Variants in CTNNA2 observed in about 807,000 individuals in gnomAD.
CTNNA2 encodes the protein catenin alpha 2, also known as catenin alpha-2.
Under a neutral mutation model 101.0 loss-of-function variants are expected in CTNNA2, and 42 were observed. The ratio of observed to expected loss-of-function variants is 0.42; its 90% confidence interval spans 0.32 to 0.54. CTNNA2 has a LOEUF of 0.54. CTNNA2 is among the 20% of genes least tolerant of loss of function. The pLI is 0.14. For synonymous variants in CTNNA2, 450 were observed against 456.4 expected, an observed-to-expected ratio of 0.99 and a Z score of 0.18; for missense variants, 871 against 1,223.1, an observed-to-expected ratio of 0.71 and a Z score of 4.29.
chr2:79,208,022 G>A (rs1296678173), intron 2 of CTNNA2, among the ~76,000 whole-genome samples: 1 of 152,118 alleles, frequency 6.6e-6, no homozygotes, highest in Non-Finnish European at 1.5e-5. Flanking sequence ...TAGCCACCAA[G>A]GTCTACTCTG....
At chr2:79,934,548 G>A (rs189852512) in intron 7 of CTNNA2, among the ~76,000 whole-genome samples, 75 of 152,308 alleles carry the variant, frequency 4.9e-4, no homozygotes, top group Non-Finnish European at 9.3e-4. Flanking sequence ...TGTATTCTAA[G>A]CCCATTGTCC....
chr2:79,994,342 C>T (rs542292135), intron 7 of CTNNA2, among the ~76,000 whole-genome samples: 3 of 152,164 alleles, frequency 2.0e-5, no homozygotes, highest in East Asian at 1.9e-4. Flanking sequence ...CCACGAGTTG[C>T]GACATAGTCA....
chr2:79,286,614 G>A lies in CTNNA2; in HGVS notation c.-405-26095G>A, dbSNP rs915758285. Among the ~76,000 whole-genome samples, 22 of 152,220 alleles carry A rather than the reference G, an allele frequency of 1.4e-4. No individual in the cohort carries two copies. In the South Asian group the frequency reaches 1.5e-3, roughly 10 times the overall value. On this transcript the variant is annotated intron_variant, in intron 2 of 21. Coordinates refer to the CTNNA2 transcript ENST00000466387. ...TCTTCTGGCTTGTAGAGTTTCTGCC[G>A]AGAGATCTGCTGTTAGTCTAATGGG...
At chr2:79,216,927 G>C (rs993902039) in intron 2 of CTNNA2, among the ~76,000 whole-genome samples, 4 of 152,168 alleles carry the variant, frequency 2.6e-5, no homozygotes, top group African/African-American at 9.7e-5. Context: ...AATAATCAGA[G>C]AGGCGTCCCT....
At chr2:80,113,889 A>T (rs1238223024) in intron 7 of CTNNA2, among the ~76,000 whole-genome samples, 1 of 152,256 alleles carries the variant, frequency 6.6e-6, no homozygotes, top group Non-Finnish European at 1.5e-5. Context: ...TGGAATAACA[A>T]AGCTAAAGAA....
chr2:80,569,633 G>GTTTTTTGTTTTTTTTTTTT (rs1553392642), intron 12 of CTNNA2, among the ~76,000 whole-genome samples: 2 of 51,718 alleles, frequency 3.9e-5, no homozygotes, highest in African/African-American at 6.1e-5. Flanking sequence ...GGGTATTTAG[G>GTTTTTTGTTTTTTTTTTTT]TTTTTTTTTT....
At chr2:79,263,261 G>T (rs1674946039) in intron 2 of CTNNA2, among the ~76,000 whole-genome samples, 1 of 152,136 alleles carries the variant, frequency 6.6e-6, no homozygotes, top group Non-Finnish European at 1.5e-5. Flanking sequence ...AGGTGTTTGG[G>T]TCATGGGAGC....
chr2:79,716,806 C>T (rs1385849544), intron 2 of CTNNA2, among the ~76,000 whole-genome samples: 6 of 151,804 alleles, frequency 4.0e-5, no homozygotes, highest in Non-Finnish European at 5.9e-5. Context: ...CAGGAGGTAC[C>T]AATTGACTGC....
chr2:79,827,107 C>T (rs980441827), intron 3 of CTNNA2, among the ~76,000 whole-genome samples: 5 of 152,214 alleles, frequency 3.3e-5, no homozygotes, highest in East Asian at 3.9e-4. Context: ...GGCATGATCT[C>T]GGCTCGCTGC....
chr2:79,954,629 G>T (rs546366281), intron 7 of CTNNA2, among the ~76,000 whole-genome samples: 2 of 152,098 alleles, frequency 1.3e-5, no homozygotes, highest in Admixed American at 6.5e-5. Flanking sequence ...TCACTGTAAG[G>T]TTCAAGCAGC....
At chr2:80,079,882 T>TAAAATAAAATAAAATAAAATAAAAA (rs1553445210) in intron 7 of CTNNA2, among the ~76,000 whole-genome samples, 1 of 54,574 alleles carries the variant, frequency 1.8e-5, no homozygotes, top group Non-Finnish European at 5.0e-5. Context: ...TAAAATAAAA[T>TAAAATAAAATAAAATAAAATAAAAA]AATAAAATAA....
At chr2:79,858,774 A>G (rs1558587260) in intron 4 of CTNNA2, among the ~76,000 whole-genome samples, 1 of 152,140 alleles carries the variant, frequency 6.6e-6, no homozygotes, top group Non-Finnish European at 1.5e-5. Flanking sequence ...GGGTGGGCAC[A>G]TACTTGTCCC....
intron 1 of CTNNA2, among the ~76,000 whole-genome samples, 195 bp downstream of exon 1, chr2:79,513,402 A>G (rs904908378): frequency 1.3e-4 from 17 of 132,946 alleles, no homozygotes; most frequent in Non-Finnish European, 2.5e-4. Context: ...TCCCAGCCCC[A>G]CTTCCTTCCC....
chr2:80,245,580 C>T (rs1376299648), intron 7 of CTNNA2, among the ~76,000 whole-genome samples: 1 of 151,820 alleles, frequency 6.6e-6, no homozygotes. Flanking sequence ...TGCTTTTTCC[C>T]ATCCCATTCC....
At chr2:79,351,703 G>A (rs573403570) in intron 3 of CTNNA2, among the ~76,000 whole-genome samples, 4 of 152,252 alleles carry the variant, frequency 2.6e-5, no homozygotes, top group South Asian at 4.1e-4. Context: ...TTCTGTTTCT[G>A]TGTTAGTTCA....
At chr2:79,211,691 T>G (rs1184146456) in intron 2 of CTNNA2, among the ~76,000 whole-genome samples, 1 of 152,072 alleles carries the variant, frequency 6.6e-6, no homozygotes, top group Non-Finnish European at 1.5e-5. Context: ...CAGGAACCAG[T>G]CATCTGGATG....
chr2:79,789,504 C>T (rs745526387), intron 3 of CTNNA2, among the ~76,000 whole-genome samples: 1 of 151,996 alleles, frequency 6.6e-6, no homozygotes, highest in Admixed American at 6.6e-5. Flanking sequence ...TGAGCCAATT[C>T]GATTTGCATG....
intron 7 of CTNNA2, among the ~76,000 whole-genome samples, chr2:80,263,102 G>A (rs1207332633): frequency 2.6e-5 from 4 of 152,084 alleles, no homozygotes; most frequent in Non-Finnish European, 4.4e-5. Flanking sequence ...GTAGGGTGTG[G>A]AGTGGGGAGA....
Position 80,055,319 on chromosome 2 carries a change from T to C in CTNNA2, c.1056+145522T>C, listed in dbSNP as rs190313778. The stretch of plus-strand genomic sequence containing the variant: ...ACTGGGATTACAGGCACTTTTGACA[T>C]GTCTGTTCCATCTCTAACAGCTTAA... On this transcript the variant is annotated intron_variant, in intron 7 of 18. Coordinates refer to ENST00000402739, the MANE Select transcript of CTNNA2 (RefSeq NM_001282597.3). Among the ~76,000 whole-genome samples, 32 of 152,206 alleles carry C rather than the reference T, an allele frequency of 2.1e-4. No individual in the cohort carries two copies. The East Asian group carries it at 5.8e-3, about 28-fold the overall frequency.
Sources: allele counts gnomAD v4.1 joint callset (sites outside exome capture counted in the v4.1 genomes callset), GRCh38; gene constraint gnomAD v4.1.1; transcripts MANE v1.5; gene names NCBI Gene and HGNC (gene_info 2026-07-23, HGNC 2026-07-21).